The following INTS10 variants were observed in gnomAD, a reference collection of about 807,000 sequenced individuals.
INTS10 encodes the protein chromosome 8 open reading frame 35.
In INTS10, 44 loss-of-function variants were observed where a neutral mutation model predicts 94.4. The ratio of observed to expected loss-of-function variants is 0.47; its 90% CI spans 0.37 to 0.60. The LOEUF is 0.60. Among genes scored for constraint, INTS10 ranks in the 20% least tolerant of loss-of-function variants. The pLI is 0.00. For synonymous variants in INTS10, 341 were observed against 320.7 expected (o/e 1.06, Z -0.68); for missense variants, 797 against 868.7 (o/e 0.92, Z 1.04).
chr8:19,827,742 A>C (rs1451313781), intron 9 of INTS10, among the ~76,000 whole-genome samples: 1 of 152,042 alleles, frequency 6.6e-6, no homozygotes, highest in Non-Finnish European at 1.5e-5. Flanking sequence ...CCCAATGCGG[A>C]ATTTCCATCC....
At position 19,833,026 on chromosome 8, in the gene INTS10, G is replaced by A. The variant is rs76155424; in HGVS notation, c.1378-143G>A. On this transcript the variant is annotated intron_variant, in intron 11 of 16. Transcript: ENST00000397977. The stretch of plus-strand genomic sequence containing the variant: ...GATTTGATTCTATTGCCAATTCTCC[G>A]TTTCTTCCTCAGATGATCAAACCAA... 2.7e-4 allele frequency: 153 copies of A among 560,704 alleles called. No individual in the cohort carries two copies. The East Asian group carries it at 3.8e-3, about 14-fold the overall frequency. 34.7% of individuals were successfully genotyped at this position (560,704 alleles called of 1,614,324 possible). A position where few individuals can be genotyped will look rare whatever the true frequency, so the allele number is the denominator to read the frequency against.
chr8:19,840,328 T>C (rs2068032479), intron 13 of INTS10, among the ~76,000 whole-genome samples: 1 of 152,198 alleles, frequency 6.6e-6, no homozygotes, highest in Non-Finnish European at 1.5e-5. Context: ...GAAGATTCAA[T>C]ATTATTATGG....
chr8:19,836,314 G>T (rs1286756153), intron 12 of INTS10, among the ~76,000 whole-genome samples: 2 of 152,126 alleles, frequency 1.3e-5, no homozygotes, highest in Non-Finnish European at 2.9e-5. Flanking sequence ...CATGGAATCT[G>T]ACTGTTGTTA....
At chr8:19,830,215 ATG>A (rs1181942063) in intron 9 of INTS10, among the ~76,000 whole-genome samples, 189 bp from the exon 10 acceptor site, 2 of 150,028 alleles carry the variant, frequency 1.3e-5, no homozygotes, top group Admixed American at 1.3e-4. Flanking sequence ...TAAAAATGGA[ATG>A]TGTGAGAGTA....
intron 4 of INTS10, 169 bp from the exon 5 acceptor site, chr8:19,822,270 G>C (rs2128754995): frequency 2.0e-6 from 1 of 505,708 alleles, no homozygotes; most frequent in African/African-American, 1.9e-5. Context: ...TCTAGGGTGT[G>C]TGGCTGGTGC....
At chr8:19,819,430 T>C in intron 2 of INTS10, 143 bp from the exon 3 acceptor site, 2 of 536,176 alleles carry the variant, frequency 3.7e-6, no homozygotes, top group Non-Finnish European at 6.5e-6. Context: ...TTCTTATTTT[T>C]ACATTTTTAT....
rs776163141 is a variant in INTS10, at chr8:19,823,943, G to C, written c.735G>C (p.Leu245=). The change falls in exon 7 of 17, where the codon CTG becomes CTC. Residue 245 remains leucine, a synonymous_variant. Transcript: ENST00000397977. ...RSSQKYIIEG[L]TEKSSQIVDP... Reference sequence around the variant, plus strand: ...CTCAGAAGTACATAATAGAAGGGCTGACGGAAAAATCATCCCAGATCGTGG... The same window carrying C: ...CTCAGAAGTACATAATAGAAGGGCTCACGGAAAAATCATCCCAGATCGTGG... The C allele has an allele frequency of 9.3e-6, 15 of 1,613,758 alleles. No individual in the cohort carries two copies. The highest frequency in any genetic ancestry group is 3.3e-4 in the Middle Eastern group (2 of 6,084).
chr8:19,840,062 CAAAAAAAAAAA>C (rs56275270), intron 13 of INTS10, among the ~76,000 whole-genome samples: 4 of 70,332 alleles, frequency 5.7e-5, no homozygotes, highest in Non-Finnish European at 7.6e-5. Context: ...GACCTTGTCT[CAAAAAAAAAAA>C]AAAAAAAAAA....
rs1202930972 is a variant in INTS10 at position 19,823,440 on chromosome 8, A to G, written c.663A>G (p.Gln221=). ...CTACTCAAATAGAAAATCAGCATCA[A>G]GGTAAGTAGGAATACCCTGTACTTT... The part of the protein sequence containing the change: ...TRSTQIENQH[Q]GAQDTSDLMS... Residue 221 remains glutamine, a splice_region_variant and synonymous_variant, in exon 6 of 17, where the codon CAA becomes CAG. Coordinates refer to ENST00000397977, the MANE Select transcript of INTS10 (RefSeq NM_018142.4). 2 of 1,592,988 alleles carry G rather than the reference A, an allele frequency of 1.3e-6. No homozygotes were observed. Among genetic ancestry groups the G allele is most frequent in the African/African-American group, 1.3e-5 (1 of 74,468 alleles).
At chr8:19,817,758 G>A (rs2066038976) in intron 1 of INTS10, 92 bp downstream of exon 1, 2 of 1,481,656 alleles carry the variant, frequency 1.3e-6, no homozygotes, top group Admixed American at 4.3e-5. Context: ...GCCTGCCTGG[G>A]GGCTGCCGCC....
At chr8:19,845,311 C>T in intron 15 of INTS10, 1 of 163,888 alleles carries the variant, frequency 6.1e-6, no homozygotes, top group Non-Finnish European at 1.3e-5. Context: ...CTACTTTCAC[C>T]TCCTCTTTCA....
chr8:19,850,759 T>C (rs1385641302), intron 16 of INTS10, among the ~76,000 whole-genome samples: 1 of 152,208 alleles, frequency 6.6e-6, no homozygotes, highest in East Asian at 1.9e-4. Flanking sequence ...TCCTCTTAAC[T>C]GAGCTGACTG....
chr8:19,851,221 C>T lies in INTS10; in HGVS notation c.1977-428C>T, dbSNP rs1267739041. ...AGCTCACTTGGGTGATTGGCTCATT[C>T]AGGTCTCCTCCCTCCTTGCTGCTGC... On this transcript the variant is annotated intron_variant, in intron 16 of 16. Coordinates refer to ENST00000397977, the MANE Select transcript of INTS10 (RefSeq NM_018142.4). This position sits in a 1 kb window ranked among gnomAD's most constrained non-coding sequence, Gnocchi z 5.0. Among the ~76,000 whole-genome samples the T allele has an allele frequency of 2.0e-5, 3 of 152,176 alleles. No individual in the cohort carries two copies. The highest frequency in any genetic ancestry group is 4.4e-5 in the Non-Finnish European group (3 of 68,028).
At chr8:19,839,814 A>G (rs1056392709) in intron 13 of INTS10, among the ~76,000 whole-genome samples, 2 of 152,088 alleles carry the variant, frequency 1.3e-5, no homozygotes, top group African/African-American at 4.8e-5. Context: ...TCTAATCCCA[A>G]CACTTTGGGA....
At chr8:19,841,469 G>A (rs150971462) in intron 13 of INTS10, among the ~76,000 whole-genome samples, 1 of 152,086 alleles carries the variant, frequency 6.6e-6, no homozygotes, top group African/African-American at 2.4e-5. Flanking sequence ...CCAATAGGAA[G>A]CAATTATCCA....
chr8:19,842,760 T>G (rs2068232289), intron 13 of INTS10, 88 bp from the exon 14 acceptor site: 1 of 750,900 alleles, frequency 1.3e-6, no homozygotes, highest in African/African-American at 1.8e-5. Context: ...TTTGTTGTTG[T>G]TAATGAAAGC....
rs1007405092 is a variant in INTS10, at chr8:19,846,615, A to G, written c.1976+818A>G. Among the ~76,000 whole-genome samples, 22 of 152,324 alleles carry G rather than the reference A, an allele frequency of 1.4e-4. No homozygotes were observed. Among genetic ancestry groups the G allele is most frequent in the African/African-American group, 5.3e-4 (22 of 41,580 alleles). ...AGCCAGGTATAGTGCCTCTAAGAAC[A>G]CACCTGTCCCAAGAAATGATGGTGG... On this transcript the variant is annotated intron_variant, in intron 16 of 16. Coordinates refer to ENST00000397977, the MANE Select transcript of INTS10 (RefSeq NM_018142.4). The surrounding 1 kb of genome is among the most constrained non-coding windows in gnomAD (Gnocchi z 4.2).
chr8:19,842,979 C>G, intron 14 of INTS10, 52 bp downstream of exon 14: 1 of 1,233,492 alleles, frequency 8.1e-7, no homozygotes, highest in Non-Finnish European at 1.2e-6. Context: ...AAATATTATT[C>G]TCATGACTCG....
intron 5 of INTS10, among the ~76,000 whole-genome samples, chr8:19,822,849 T>C (rs1397038596): frequency 1.3e-5 from 2 of 151,732 alleles, no homozygotes; most frequent in African/African-American, 4.8e-5. Flanking sequence ...ACTACGGAGG[T>C]TGAGGCAGGA....
Sources: gnomAD v4.1 joint callset for allele counts (sites outside exome capture counted in the v4.1 genomes callset) on GRCh38, gnomAD v4.1.1 for gene constraint, Gnocchi (gnomAD v3.1) non-coding constraint, MANE v1.5 for transcripts, NCBI Gene and HGNC (gene_info 2026-07-23, HGNC 2026-07-21) for gene names.